Variants in MPDZ observed in about 807,000 individuals in gnomAD.
MPDZ encodes multiple PDZ domain crumbs cell polarity complex component.
Under a neutral mutation model 239.1 loss-of-function variants are expected in MPDZ, and 234 were observed. The ratio of observed to expected loss-of-function variants is 0.98; its 90% confidence interval spans 0.88 to 1.09. The LOEUF (loss-of-function observed/expected upper bound fraction) is 1.09. Among genes scored for constraint, MPDZ ranks in the 50% least tolerant of loss-of-function variants. The probability of loss-of-function intolerance (pLI) is 0.00; values close to 1 mark genes in which losing one functional copy is unlikely to be tolerated. For synonymous variants in MPDZ, 1,048 were observed against 881.3 expected, an observed-to-expected ratio of 1.19 and a Z score of -3.35; for missense variants, 3,175 against 2,510.0, an observed-to-expected ratio of 1.26 and a Z score of -5.66.
At chr9:13,267,521 C>T (rs1436740165) in intron 1 of MPDZ, among the ~76,000 whole-genome samples, 1 of 152,094 alleles carries the variant, frequency 6.6e-6, no homozygotes, top group Non-Finnish European at 1.5e-5. Flanking sequence ...ATTATGTGTA[C>T]TTTTTACACT....
At chr9:13,248,264 T>A (rs984966032) in intron 2 of MPDZ, among the ~76,000 whole-genome samples, 1 of 151,010 alleles carries the variant, frequency 6.6e-6, no homozygotes, top group African/African-American at 2.4e-5. Flanking sequence ...AAAGTACACA[T>A]TTTTTAATGG....
At chr9:13,108,810 T>C in intron 46 of MPDZ, 126 bp downstream of exon 46, 1 of 937,446 alleles carries the variant, frequency 1.1e-6, no homozygotes, top group Non-Finnish European at 1.5e-6. Context: ...GTAGGGAGTT[T>C]TGAAAAGAAA....
intron 3 of MPDZ, among the ~76,000 whole-genome samples, chr9:13,237,607 A>G (rs1964403582): frequency 6.6e-6 from 1 of 152,132 alleles, no homozygotes; most frequent in African/African-American, 2.4e-5. Flanking sequence ...ACTGAAAATC[A>G]AACTATGATT....
At chr9:13,116,576 T>C (rs1235104491) in intron 39 of MPDZ, among the ~76,000 whole-genome samples, 1 of 152,156 alleles carries the variant, frequency 6.6e-6, no homozygotes, top group Non-Finnish European at 1.5e-5. Context: ...TGGGGTTTCT[T>C]ACCAAACTCT....
In MPDZ at chr9:13,136,201, C is replaced by T; in HGVS notation, c.4293-19G>A. 1 of 1,530,016 alleles carries T rather than the reference C, an allele frequency of 6.5e-7. No homozygotes were observed. Among genetic ancestry groups the T allele is most frequent in the Non-Finnish European group, 9.0e-7 (1 of 1,107,280 alleles). 94.8% of individuals were successfully genotyped at this position (1,530,016 alleles called of 1,614,324 possible). ...TTTATTTCTAAAAGCAAAAAAACAA[C>T]AACCTATTATAACATCATGGTATTA... is the stretch of plus-strand genomic sequence containing the variant. On this transcript the variant is annotated intron_variant, in intron 30 of 46. Transcript: ENST00000319217.
rs1554690719 is a variant in MPDZ at position 13,197,159 on chromosome 9, C to CTCTA, written c.1547-930_1547-929insTAGA. ...TCCTTAAAAGACTGTAAACAATAAA[C>CTCTA]TATATATATATATATATTTTTAGTT... On this transcript the variant is annotated intron_variant, in intron 12 of 46. Coordinates refer to ENST00000319217, the MANE Select transcript of MPDZ (RefSeq NM_001378778.1). 7.2e-3 allele frequency among the ~76,000 whole-genome samples: 1,065 copies of CTCTA among 148,338 alleles called. 15 individuals carry two copies. The highest frequency in any genetic ancestry group is 0.025 in the African/African-American group (1,016 of 40,896).
intron 1 of MPDZ, among the ~76,000 whole-genome samples, chr9:13,266,576 G>A (rs1286691193): frequency 1.3e-5 from 2 of 152,134 alleles, no homozygotes; most frequent in Non-Finnish European, 2.9e-5. Context: ...ATTTGAAGAT[G>A]TAAGAAAATT....
chr9:13,247,559 C>G (rs1205935883), intron 3 of MPDZ, 76 bp downstream of exon 3: 4 of 1,486,736 alleles, frequency 2.7e-6, no homozygotes, highest in Admixed American at 3.9e-5. Context: ...GAAAAATCAG[C>G]CTTTCAGAAA....
intron 1 of MPDZ, among the ~76,000 whole-genome samples, chr9:13,262,202 C>A (rs1174976816): frequency 6.6e-6 from 1 of 152,060 alleles, no homozygotes; most frequent in African/African-American, 2.4e-5. Flanking sequence ...GTGGCTGATG[C>A]CTGTAATCCC....
rs1392838438 is a variant in MPDZ at position 13,115,326 on chromosome 9, T to C, written c.5388A>G (p.Leu1796=). The C allele has an allele frequency of 6.2e-7, 1 of 1,612,530 alleles. No individual in the cohort carries two copies. Among genetic ancestry groups the C allele is most frequent in the Non-Finnish European group, 8.5e-7 (1 of 1,179,654 alleles). The change falls in exon 40 of 47, where the codon CTA becomes CTG. Residue 1796 remains leucine, a synonymous_variant. Transcript: ENST00000319217. The part of the protein sequence containing the change: ...EAVAALLKCS[L]GTVTLEVGRI... ...TTCCAACTTCCAAGGTTACTGTGCC[T>C]AGGGAACACTGGGGGTGGGCATGGG...
At chr9:13,153,423 C>T (rs1439725679) in intron 24 of MPDZ, among the ~76,000 whole-genome samples, 1 of 152,098 alleles carries the variant, frequency 6.6e-6, no homozygotes. Context: ...CCAACATCCA[C>T]CATCCTTCCC....
chr9:13,278,052 G>T (rs982856387), intron 1 of MPDZ, among the ~76,000 whole-genome samples: 3 of 152,076 alleles, frequency 2.0e-5, no homozygotes, highest in African/African-American at 7.2e-5. Flanking sequence ...TTCAGATAAG[G>T]TGTTATTTAT....
intron 35 of MPDZ, 49 bp from the exon 36 acceptor site, chr9:13,123,347 C>T (rs777065687): frequency 1.3e-6 from 2 of 1,503,562 alleles, no homozygotes; most frequent in South Asian, 1.2e-5. Flanking sequence ...GTTACTAAGG[C>T]ATATCCATCA....
intron 19 of MPDZ, among the ~76,000 whole-genome samples, chr9:13,176,744 T>C (rs1292447337): frequency 6.6e-6 from 1 of 152,128 alleles, no homozygotes; most frequent in African/African-American, 2.4e-5. Context: ...TCAAATTACA[T>C]AGAAGAGCAA....
intron 32 of MPDZ, among the ~76,000 whole-genome samples, chr9:13,132,814 G>C (rs1946202539): frequency 6.6e-6 from 1 of 152,118 alleles, no homozygotes; most frequent in Non-Finnish European, 1.5e-5. Flanking sequence ...CTCATAGATA[G>C]TGAGTGGCAA....
In MPDZ at chr9:13,106,942, T is replaced by G; in HGVS notation, c.*23A>C. ...AGTAGGAGGTGAGCTAGGGGTTGGG[T>G]TGGTTCAATTCTGGCAGCCAATTCA... On this transcript the variant is annotated 3_prime_UTR_variant, in exon 47 of 47. Transcript: ENST00000319217. 1 of 1,612,260 alleles carries G rather than the reference T, an allele frequency of 6.2e-7. No individual in the cohort carries two copies. The highest frequency in any genetic ancestry group is 1.3e-5 in the African/African-American group (1 of 75,000).
Position 13,125,323 on chromosome 9 carries a change from G to C in MPDZ, c.4700C>G (p.Ser1567Cys), listed in dbSNP as rs756626342. Reference protein sequence around the residue: ...KLTIHAENPDSQAVPSAAGAA... With the variant: ...KLTIHAENPDCQAVPSAAGAA... ...ACCAGCTGCTGAAGGAACAGCCTGG[G>C]AATCTGGATTCTCAGCATGGATGGT... The change falls in exon 35 of 47, where the codon TCC becomes TGC. Residue 1567 changes from serine to cysteine, a missense_variant. By Grantham distance (112) the Ser-to-Cys change is moderately radical. Transcript: ENST00000319217. 1.2e-6 allele frequency: 2 copies of C among 1,613,868 alleles called. No homozygotes were observed. The highest frequency in any genetic ancestry group is 2.2e-5 in the South Asian group (2 of 91,080).
At position 13,152,107 on chromosome 9, in the gene MPDZ, A is replaced by G. The variant is rs141618277; in HGVS notation, c.3453-1419T>C. The stretch of plus-strand genomic sequence containing the variant: ...ACTGCTAAACAGATAGCAGCTTCTA[A>G]GCTTAGCAACCAAATCAAGGGAAAG... On this transcript the variant is annotated intron_variant, in intron 24 of 46. Transcript: ENST00000319217. Among the ~76,000 whole-genome samples the G allele has an allele frequency of 1.1e-4, 16 of 152,220 alleles. No individual in the cohort carries two copies. The East Asian group carries it at 3.1e-3, about 29-fold the overall frequency.
chr9:13,175,921 T>C, intron 20 of MPDZ, 46 bp from the exon 21 acceptor site: 1 of 1,551,124 alleles, frequency 6.4e-7, no homozygotes, highest in Non-Finnish European at 8.7e-7. Flanking sequence ...AAAGGGAAAC[T>C]AGACTTTGGA....
Sources: gnomAD v4.1 joint callset for allele counts (sites outside exome capture counted in the v4.1 genomes callset) on GRCh38, gnomAD v4.1.1 for gene constraint, MANE v1.5 for transcripts, NCBI Gene and HGNC (gene_info 2026-07-23, HGNC 2026-07-21) for gene names.